Variants in NMD3 observed in about 807,000 individuals in gnomAD.
NMD3 encodes 60S ribosomal export protein NMD3.
In NMD3, 47 loss-of-function variants were observed where a neutral mutation model predicts 73.1. The ratio of observed to expected loss-of-function variants is 0.64; its 90% CI spans 0.51 to 0.82. The LOEUF (loss-of-function observed/expected upper bound fraction) is 0.82. Ranked by LOEUF, NMD3 falls within the 40% of genes least tolerant of loss-of-function variation. NMD3 has a pLI of 0.00. For missense variants in NMD3, 554 were observed against 612.5 expected, an observed-to-expected ratio of 0.90 and a Z score of 1.01; for synonymous variants, 210 against 194.5, an observed-to-expected ratio of 1.08 and a Z score of -0.66.
At chr3:161,248,850 AAGGACTCCGACCACCTGCCC>A (rs1737357450) in intron 13 of NMD3, among the ~76,000 whole-genome samples, 1 of 152,164 alleles carries the variant, frequency 6.6e-6, no homozygotes, top group South Asian at 2.1e-4. Context: ...ATGACAAATC[AAGGACTCCGACCACCTGCCC>A]AGTTGTACTT....
intron 12 of NMD3, 131 bp from the exon 13 acceptor site, chr3:161,247,127 A>G (rs1329960044): frequency 6.7e-6 from 4 of 594,990 alleles, no homozygotes; most frequent in East Asian, 2.8e-5. Flanking sequence ...TGTGTAATAA[A>G]TGACAGAACT....
chr3:161,244,308 C>CT (rs1257635384), intron 11 of NMD3, among the ~76,000 whole-genome samples: 2 of 151,992 alleles, frequency 1.3e-5, no homozygotes, highest in Non-Finnish European at 2.9e-5. Flanking sequence ...TTTTTAATTT[C>CT]TTTGTAGAGA....
intron 9 of NMD3, among the ~76,000 whole-genome samples, chr3:161,239,043 G>T (rs1280821752): frequency 6.6e-6 from 1 of 152,018 alleles, no homozygotes; most frequent in African/African-American, 2.4e-5. Flanking sequence ...TTATTTTGGT[G>T]TATTAAAATG....
Position 161,251,121 on chromosome 3 carries a change from T to C in NMD3, c.*211T>C. Reference sequence around the variant, plus strand: ...AAGGAAAGATTATGGAGAATGTAGTTGTTATTGATTTTTGGCAATTTTACA... The same window carrying C: ...AAGGAAAGATTATGGAGAATGTAGTCGTTATTGATTTTTGGCAATTTTACA... On this transcript the variant is annotated 3_prime_UTR_variant, in exon 16 of 16. Coordinates refer to ENST00000351193, the MANE Select transcript of NMD3 (RefSeq NM_015938.5). The C allele has an allele frequency of 2.6e-6, 1 of 385,404 alleles. No individual in the cohort carries two copies. Among genetic ancestry groups the C allele is most frequent in the South Asian group, 5.2e-5 (1 of 19,374 alleles). The allele number at this position is 385,404 out of a possible 1,614,324, so 23.9% of individuals were successfully genotyped here. A position where few individuals can be genotyped will look rare whatever the true frequency, so the allele number is the denominator to read the frequency against.
rs1296556650 is a variant in NMD3 at position 161,251,264 on chromosome 3, A to G, written c.*354A>G. The G allele has an allele frequency of 6.4e-6, 1 of 156,680 alleles. No individual in the cohort carries two copies. The highest frequency in any genetic ancestry group is 2.4e-5 in the African/African-American group (1 of 41,672). The allele number at this position is 156,680 out of a possible 1,614,324, so 9.7% of individuals were successfully genotyped here. ...TTCCTTGAACGTTCACTAAATCTTC[A>G]AGCAAAAACACATTTTTACATTATT... is the stretch of plus-strand genomic sequence containing the variant. On this transcript the variant is annotated 3_prime_UTR_variant, in exon 16 of 16. Coordinates refer to ENST00000351193, the MANE Select transcript of NMD3 (RefSeq NM_015938.5).
At chr3:161,221,954 T>TCCCAACAG in intron 1 of NMD3, 40 bp from the exon 2 acceptor site, 2 of 1,154,466 alleles carry the variant, frequency 1.7e-6, no homozygotes, top group Non-Finnish European at 2.4e-6. Context: ...AATCCCAACA[T>TCCCAACAG]TCTCTTTTTT....
rs759656913 is a variant in NMD3 at position 161,250,281 on chromosome 3, C to A, written c.1336C>A (p.Leu446Ile). 4.4e-6 allele frequency: 7 copies of A among 1,596,458 alleles called. No individual in the cohort carries two copies. The East Asian group carries it at 1.3e-4, about 31-fold the overall frequency. Reference protein sequence around the residue: ...ERQYQDFLEDLEEDEAIRKNV... With the variant: ...ERQYQDFLEDIEEDEAIRKNV... ...GCAATACCAAGATTTTCTTGAAGAT[C>A]TTGAAGAAGATGAGGCAATTCGAAA... Residue 446 changes from leucine to isoleucine, a missense_variant, in exon 15 of 16, where the codon CTT becomes ATT. Physicochemically the swap from Leu to Ile is conservative, Grantham distance 5 (BLOSUM62 2). Coordinates refer to ENST00000351193, the MANE Select transcript of NMD3 (RefSeq NM_015938.5).
intron 11 of NMD3, among the ~76,000 whole-genome samples, chr3:161,245,128 C>T (rs1737149301): frequency 1.4e-5 from 2 of 145,308 alleles, no homozygotes; most frequent in South Asian, 4.5e-4. Flanking sequence ...TATCTAGAGA[C>T]TCCCAGGGTA....
intron 2 of NMD3, among the ~76,000 whole-genome samples, chr3:161,224,571 A>G (rs1391282732): frequency 6.6e-6 from 1 of 152,096 alleles, no homozygotes; most frequent in African/African-American, 2.4e-5. Flanking sequence ...GCTCACTGCA[A>G]CTTCCACCTC....
Position 161,250,875 on chromosome 3 carries a change from G to A in NMD3, c.1477G>A (p.Ala493Thr). The A allele has an allele frequency of 6.2e-7, 1 of 1,612,682 alleles. No individual in the cohort carries two copies. The highest frequency in any genetic ancestry group is 8.5e-7 in the Non-Finnish European group (1 of 1,178,960). The change falls in exon 16 of 16, where the codon GCC becomes ACC. Residue 493 changes from alanine (A) to threonine (T), a missense_variant. Coordinates refer to ENST00000351193, the MANE Select transcript of NMD3 (RefSeq NM_015938.5). The part of the protein sequence containing the change: ...MLEDLHISQD[A>T]TGEEGASMLT The stretch of plus-strand genomic sequence containing the variant: ...TGAAGACCTTCATATTTCCCAAGAT[G>A]CCACTGGTGAAGAAGGTGCATCAAT...
intron 11 of NMD3, among the ~76,000 whole-genome samples, chr3:161,245,588 CT>C: frequency 6.6e-6 from 1 of 151,694 alleles, no homozygotes; most frequent in Middle Eastern, 3.4e-3. Context: ...ACACTTGATT[CT>C]TTTCATAACT....
At chr3:161,233,317 G>A (rs1431590236) in intron 4 of NMD3, 82 bp from the exon 5 acceptor site, 3 of 871,362 alleles carry the variant, frequency 3.4e-6, no homozygotes, top group Non-Finnish European at 5.6e-6. Flanking sequence ...TATGAAATCT[G>A]CTTATTGATG....
At chr3:161,240,994 T>G in intron 9 of NMD3, 52 bp from the exon 10 acceptor site, 1 of 1,118,884 alleles carries the variant, frequency 8.9e-7, no homozygotes. Flanking sequence ...GAGTGTTTAT[T>G]GGACTGTTAT....
chr3:161,224,312 G>A (rs1736222913), intron 2 of NMD3, among the ~76,000 whole-genome samples: 1 of 152,170 alleles, frequency 6.6e-6, no homozygotes, highest in Non-Finnish European at 1.5e-5. Flanking sequence ...GTACAGACCA[G>A]AATAGAACAT....
At chr3:161,236,935 A>T (rs189800270) in intron 7 of NMD3, among the ~76,000 whole-genome samples, 34 of 152,294 alleles carry the variant, frequency 2.2e-4, no homozygotes, top group African/African-American at 8.2e-4. Flanking sequence ...TATTAGTACC[A>T]TGCTATCTTG....
At chr3:161,232,582 A>G (rs2108082513) in intron 4 of NMD3, among the ~76,000 whole-genome samples, 1 of 152,310 alleles carries the variant, frequency 6.6e-6, no homozygotes, top group South Asian at 2.1e-4. Context: ...TGTCTAAGCA[A>G]ATACTTGAGC....
chr3:161,230,650 TCAC>T (rs1736498726), intron 4 of NMD3, among the ~76,000 whole-genome samples: 2 of 152,180 alleles, frequency 1.3e-5, no homozygotes, highest in South Asian at 4.1e-4. Flanking sequence ...CACTTACTCT[TCAC>T]CAAGCACCAT....
At chr3:161,236,914 A>G (rs941485032) in intron 7 of NMD3, among the ~76,000 whole-genome samples, 4 of 152,160 alleles carry the variant, frequency 2.6e-5, no homozygotes, top group Non-Finnish European at 5.9e-5. Context: ...TGATCTATAT[A>G]TCTATCCTTA....
At chr3:161,250,441 A>G (rs1351643049) in intron 15 of NMD3, 115 bp downstream of exon 15, 6 of 646,656 alleles carry the variant, frequency 9.3e-6, no homozygotes, top group Non-Finnish European at 1.1e-5. Context: ...TTGTTTTTTC[A>G]ACTACTCTAG....
Sources: allele counts gnomAD v4.1 joint callset (sites outside exome capture counted in the v4.1 genomes callset), GRCh38; gene constraint gnomAD v4.1.1; transcripts MANE v1.5; gene names NCBI Gene and HGNC (gene_info 2026-07-23, HGNC 2026-07-21).